Variants in ALK observed in about 807,000 individuals in gnomAD.
ALK encodes the protein ALK tyrosine kinase receptor.
Under a neutral mutation model 163.1 loss-of-function variants are expected in ALK, and 74 were observed. The observed-to-expected ratio is 0.45, with a 90% CI of 0.38 to 0.55. The LOEUF (loss-of-function observed/expected upper bound fraction) is 0.55. Among genes scored for constraint, ALK ranks in the 20% least tolerant of loss-of-function variants. The pLI is 0.00. For missense variants in ALK, 2,063 were observed against 2,105.3 expected (o/e 0.98, Z 0.39); for synonymous variants, 960 against 843.2 (o/e 1.14, Z -2.40).
At chr2:29,549,088 C>T (rs1027877811) in intron 3 of ALK, among the ~76,000 whole-genome samples, 1 of 151,728 alleles carries the variant, frequency 6.6e-6, no homozygotes, top group African/African-American at 2.4e-5. Flanking sequence ...ATAAAATATC[C>T]TCATTGTAAC....
chr2:29,494,627 T>TG (rs1331623726), intron 4 of ALK, among the ~76,000 whole-genome samples: 1 of 152,150 alleles, frequency 6.6e-6, no homozygotes, highest in African/African-American at 2.4e-5. Context: ...TAACCCAGCC[T>TG]GGAACATAAA....
At chr2:29,552,302 C>T (rs1261565423) in intron 3 of ALK, among the ~76,000 whole-genome samples, 1 of 152,074 alleles carries the variant, frequency 6.6e-6, no homozygotes, top group Non-Finnish European at 1.5e-5. Context: ...AATGATATTG[C>T]CATGAATGTT....
intron 22 of ALK, chr2:29,221,065 G>C (rs1669789749): frequency 1.5e-6 from 1 of 651,494 alleles, no homozygotes; most frequent in Non-Finnish European, 2.9e-6. Context: ...GCAGGAGAGT[G>C]GCTGGAGCTG....
At chr2:29,448,367 T>A (rs1278872434) in intron 4 of ALK, among the ~76,000 whole-genome samples, 1 of 152,218 alleles carries the variant, frequency 6.6e-6, no homozygotes. Context: ...TTCTCTTCTC[T>A]TCTTAATAGA....
intron 1 of ALK, among the ~76,000 whole-genome samples, chr2:29,750,111 C>A (rs1223633012): frequency 6.6e-6 from 1 of 152,138 alleles, no homozygotes; most frequent in African/African-American, 2.4e-5. Context: ...GCATGGGACT[C>A]GAGAAGTATA....
chr2:29,778,497 C>T lies in ALK; in HGVS notation c.668-60800G>A, dbSNP rs542335073. Among the ~76,000 whole-genome samples the T allele has an allele frequency of 1.0e-3, 152 of 152,198 alleles. 2 individuals carry two copies. The highest frequency in any genetic ancestry group is 4.2e-4 in the South Asian group (2 of 4,812). ...GCATTCCTAGATGGTTCAGGTTGGCCGCCATCATGCGTGGGTGCAGGCATC... is the reference window on the plus strand; with the variant it reads ...GCATTCCTAGATGGTTCAGGTTGGCTGCCATCATGCGTGGGTGCAGGCATC... On this transcript the variant is annotated intron_variant, in intron 1 of 28. Coordinates refer to ENST00000389048, the MANE Select transcript of ALK (RefSeq NM_004304.5).
intron 11 of ALK, among the ~76,000 whole-genome samples, chr2:29,268,418 G>A (rs1047114137): frequency 1.3e-5 from 2 of 152,210 alleles, no homozygotes; most frequent in African/African-American, 4.8e-5. Context: ...CTTGTGCTGG[G>A]ATAGTAGTGG....
intron 4 of ALK, among the ~76,000 whole-genome samples, chr2:29,470,288 C>T (rs143129885): frequency 1.9e-3 from 290 of 151,788 alleles, no homozygotes; most frequent in African/African-American, 6.4e-3. Context: ...ATTTGAAGTC[C>T]CAGACAAGAG....
At chr2:29,480,841 A>T (rs77837814) in intron 4 of ALK, among the ~76,000 whole-genome samples, 2,969 of 150,340 alleles carry the variant, frequency 0.02, 43 homozygotes, top group African/African-American at 0.042. Context: ...GCACTTCTCA[A>T]TGCTTAAATG....
intron 4 of ALK, among the ~76,000 whole-genome samples, chr2:29,450,184 C>T (rs987776918): frequency 6.6e-5 from 10 of 152,100 alleles, no homozygotes; most frequent in South Asian, 4.2e-4. Context: ...GCCCATGCAG[C>T]GAACAATAGA....
At chr2:29,893,978 G>C (rs1331736770) in intron 1 of ALK, among the ~76,000 whole-genome samples, 1 of 152,178 alleles carries the variant, frequency 6.6e-6, no homozygotes, top group African/African-American at 2.4e-5. Context: ...TTAGCAGAGT[G>C]CTTGGCACAT....
intron 4 of ALK, among the ~76,000 whole-genome samples, chr2:29,457,360 G>A (rs56239144): frequency 0.031 from 4,673 of 152,212 alleles, 189 homozygotes; most frequent in African/African-American, 0.096. Context: ...GATGAGCCTC[G>A]GTTAGGAGTA....
At chr2:29,548,437 C>T (rs1010944196) in intron 3 of ALK, among the ~76,000 whole-genome samples, 8 of 151,156 alleles carry the variant, frequency 5.3e-5, no homozygotes, top group African/African-American at 1.9e-4. Context: ...CATGCCACTG[C>T]ACTCCAGCAT....
intron 1 of ALK, among the ~76,000 whole-genome samples, chr2:29,910,847 A>G (rs1452850794): frequency 6.6e-6 from 1 of 152,200 alleles, no homozygotes; most frequent in African/African-American, 2.4e-5. Flanking sequence ...GGCTAAAGGA[A>G]AAAATTACAG....
At position 29,223,336 on chromosome 2, in the gene ALK, G is replaced by A. The variant is rs4622670; in HGVS notation, c.3359+6C>T. 521,065 of 1,613,208 alleles carry A rather than the reference G, an allele frequency of 0.32. 91,119 individuals are homozygous for A. The highest frequency in any genetic ancestry group is 0.36 in the South Asian group (32,883 of 91,056). On this transcript the variant is annotated splice_donor_region_variant and intron_variant, in intron 20 of 28. Transcript: ENST00000389048. ...TCTCCTCCCAGGACGGCAGCAGGGC[G>A]CTCACCGAATGAGGGTGATGTTTTT...
intron 24 of ALK, among the ~76,000 whole-genome samples, chr2:29,210,659 C>G (rs1669441297): frequency 6.6e-6 from 1 of 152,156 alleles, no homozygotes; most frequent in South Asian, 2.1e-4. Flanking sequence ...GTCTTGAACT[C>G]CTGACCTCAG....
chr2:29,798,365 C>T (rs955141690), intron 1 of ALK, among the ~76,000 whole-genome samples: 4 of 152,156 alleles, frequency 2.6e-5, no homozygotes, highest in African/African-American at 4.8e-5. Context: ...GAAATCCCAT[C>T]AAAGGGAAAT....
chr2:29,744,544 A>G (rs1680156118), intron 1 of ALK, among the ~76,000 whole-genome samples: 1 of 152,006 alleles, frequency 6.6e-6, no homozygotes, highest in South Asian at 2.1e-4. Flanking sequence ...ATTCACTCAC[A>G]TATCTGGTGG....
intron 3 of ALK, among the ~76,000 whole-genome samples, chr2:29,694,163 C>G (rs1228411941): frequency 6.6e-6 from 1 of 152,178 alleles, no homozygotes; most frequent in African/African-American, 2.4e-5. Context: ...GTCTAAGAAA[C>G]TCAGCACAAT....
Sources: allele counts gnomAD v4.1 joint callset (sites outside exome capture counted in the v4.1 genomes callset), GRCh38; gene constraint gnomAD v4.1.1; transcripts MANE v1.5; gene names NCBI Gene and HGNC (gene_info 2026-07-23, HGNC 2026-07-21).